The following LYG2 variants were observed in gnomAD, a reference collection of about 807,000 sequenced individuals.
The protein encoded by LYG2 is lysozyme g2.
A neutral mutation model predicts 22.4 loss-of-function variants in LYG2; 25 were observed. The ratio of observed to expected loss-of-function variants is 1.12; its 90% CI spans 0.81 to 1.56. LYG2 has a LOEUF of 1.56. LYG2 is among the 40% of genes most tolerant of loss of function. The probability of loss-of-function intolerance (pLI) is 0.00; values close to 1 mark genes in which losing one functional copy is unlikely to be tolerated. For synonymous variants in LYG2, 88 were observed against 97.0 expected (o/e 0.91, Z 0.55); for missense variants, 266 against 269.5 (o/e 0.99, Z 0.09).
intron 3 of LYG2, among the ~76,000 whole-genome samples, chr2:99,252,046 C>T (rs371779244): frequency 8.8e-5 from 2 of 22,720 alleles, no homozygotes; most frequent in African/African-American, 2.2e-4. Context: ...CCGCCTGCCT[C>T]GGCCTCCCAA....
chr2:99,254,168 G>T (rs768081824), intron 3 of LYG2, 50 bp downstream of exon 3: 13 of 1,535,332 alleles, frequency 8.5e-6, no homozygotes, highest in African/African-American at 2.7e-5. Flanking sequence ...TGTGCTGGAG[G>T]TTTTTGTGGA....
At chr2:99,243,693 CTTTTTTTTT>C (rs999579137) in intron 6 of LYG2, 9 of 157,100 alleles carry the variant, frequency 5.7e-5, no homozygotes, top group Admixed American at 4.1e-4. Flanking sequence ...CCATGCCCAG[CTTTTTTTTT>C]TTTTTTTTTT....
At chr2:99,244,175 G>A (rs373417628) in intron 5 of LYG2, 38 bp from the exon 6 acceptor site, 2 of 1,590,138 alleles carry the variant, frequency 1.3e-6, no homozygotes, top group Non-Finnish European at 1.7e-6. Flanking sequence ...ATCTGGATGA[G>A]GTAACACATT....
chr2:99,247,726 C>T (rs1179481619), intron 3 of LYG2, among the ~76,000 whole-genome samples: 2 of 152,028 alleles, frequency 1.3e-5, no homozygotes, highest in Non-Finnish European at 2.9e-5. Context: ...CCAAAATTGA[C>T]AAATGGGGTC....
chr2:99,260,033 A>T (rs6542876), upstream of LYG2, among the ~76,000 whole-genome samples: 2 of 150,558 alleles, frequency 1.3e-5, no homozygotes, highest in Non-Finnish European at 2.9e-5. Flanking sequence ...ATGATCTCGG[A>T]TCACTGCAAC....
chr2:99,256,889 T>A (rs945439118), upstream of LYG2, among the ~76,000 whole-genome samples: 3 of 152,230 alleles, frequency 2.0e-5, no homozygotes, highest in South Asian at 6.2e-4. Flanking sequence ...GGATATTATA[T>A]GACTCAATCC....
upstream of LYG2, among the ~76,000 whole-genome samples, chr2:99,256,957 C>G (rs1315982488): frequency 6.6e-6 from 1 of 152,194 alleles, no homozygotes; most frequent in Non-Finnish European, 1.5e-5. Context: ...GAAACTGTGA[C>G]TCAGAGAAGC....
chr2:99,249,653 C>T (rs13007100), intron 3 of LYG2, among the ~76,000 whole-genome samples: 58,084 of 147,346 alleles, frequency 0.39, 11,819 homozygotes, highest in East Asian at 0.65. Flanking sequence ...CCCAGCTACT[C>T]GGGAGGCTGA....
upstream of LYG2, among the ~76,000 whole-genome samples, chr2:99,256,032 C>T (rs1245306753): frequency 1.3e-5 from 2 of 152,154 alleles, no homozygotes; most frequent in African/African-American, 2.4e-5. Context: ...CTTCCACAAG[C>T]GTGTCCAGTT....
Position 99,254,240 on chromosome 2 carries a change from A to T in LYG2, c.21T>A (p.Phe7Leu). ...TACCAATGAGGGCAATTAGTCCCCAAAACACCACGGAGGATAACATGGCGG... is the reference window on the plus strand; with the variant it reads ...TACCAATGAGGGCAATTAGTCCCCATAACACCACGGAGGATAACATGGCGG... MLSSVV[F>L]WGLIALIGTS... Residue 7 changes from phenylalanine (F) to leucine (L), a missense_variant, in exon 3 of 7, where the codon TTT becomes TTA. Phe to Leu is a conservative substitution (Grantham distance 22, BLOSUM62 0). Coordinates refer to ENST00000333017, the MANE Select transcript of LYG2 (RefSeq NM_175735.4). The T allele has an allele frequency of 6.2e-7, 1 of 1,614,122 alleles. No homozygotes were observed. The highest frequency in any genetic ancestry group is 8.5e-7 in the Non-Finnish European group (1 of 1,179,988).
intron 3 of LYG2, among the ~76,000 whole-genome samples, chr2:99,251,019 A>G (rs1374358325): frequency 1.3e-5 from 2 of 152,250 alleles, no homozygotes; most frequent in African/African-American, 4.8e-5. Context: ...ATACAATCGT[A>G]TATTTTGTGT....
At chr2:99,243,095 T>C (rs886288821) in intron 6 of LYG2, among the ~76,000 whole-genome samples, 1 of 152,156 alleles carries the variant, frequency 6.6e-6, no homozygotes, top group African/African-American at 2.4e-5. Context: ...CTAGAAACTG[T>C]TCTGATTAAG....
chr2:99,259,692 T>G (rs2094043667), upstream of LYG2, among the ~76,000 whole-genome samples: 1 of 152,208 alleles, frequency 6.6e-6, no homozygotes, highest in South Asian at 2.1e-4. Flanking sequence ...CTATAGTACA[T>G]GTCAAATCCA....
rs897171888 is a variant in LYG2 at position 99,254,293 on chromosome 2, G to A, written c.-25-8C>T. The A allele has an allele frequency of 3.0e-5, 48 of 1,602,176 alleles. No homozygotes were observed. Among genetic ancestry groups the A allele is most frequent in the Non-Finnish European group, 3.7e-5 (44 of 1,174,704 alleles). ...AATCTTATCTTCCAGGACCTGCTCT[G>A]ATTTGAAATAGAAACTGGTTAATTT... On this transcript the variant is annotated splice_polypyrimidine_tract_variant and splice_region_variant and intron_variant, in intron 2 of 6. Transcript: ENST00000333017.
chr2:99,249,196 C>T (rs989717004), intron 3 of LYG2, among the ~76,000 whole-genome samples: 2 of 151,822 alleles, frequency 1.3e-5, no homozygotes, highest in Non-Finnish European at 2.9e-5. Flanking sequence ...TGAGGCAGGA[C>T]GATTGCTTGA....
chr2:99,260,565 T>C (rs142093678), upstream of LYG2, among the ~76,000 whole-genome samples: 11 of 152,296 alleles, frequency 7.2e-5, no homozygotes, highest in East Asian at 1.9e-4. Context: ...TCACTATACC[T>C]GTGATGGAGA....
At chr2:99,243,198 G>A (rs1003138959) in intron 6 of LYG2, among the ~76,000 whole-genome samples, 3 of 152,158 alleles carry the variant, frequency 2.0e-5, no homozygotes, top group African/African-American at 7.2e-5. Flanking sequence ...AGGAACCAGA[G>A]AGCCTAAGAA....
intron 3 of LYG2, among the ~76,000 whole-genome samples, chr2:99,253,048 C>CAAA (rs35859472): frequency 3.6e-4 from 24 of 67,094 alleles, no homozygotes; most frequent in South Asian, 1.2e-3. Flanking sequence ...GACTCTGTCT[C>CAAA]AAAAAAAAAA....
At chr2:99,260,864 T>C in the LYG2 span, among the ~76,000 whole-genome samples, 3 of 152,122 alleles carry the variant, frequency 2.0e-5, no homozygotes, top group African/African-American at 7.2e-5. Context: ...AGGAGAAAAC[T>C]GAGGGAGTTA....
Sources: gnomAD v4.1 joint callset for allele counts (sites outside exome capture counted in the v4.1 genomes callset) on GRCh38, gnomAD v4.1.1 for gene constraint, MANE v1.5 for transcripts, NCBI Gene and HGNC (gene_info 2026-07-23, HGNC 2026-07-21) for gene names.